The following SLC6A13 variants were observed in gnomAD, a reference collection of about 807,000 sequenced individuals.
SLC6A13 encodes solute carrier family 6 member 13.
A neutral mutation model predicts 72.9 loss-of-function variants in SLC6A13; 69 were observed. The observed-to-expected ratio is 0.95, with a 90% CI of 0.78 to 1.16. The LOEUF is 1.16. Among genes scored for constraint, SLC6A13 ranks in the 50% most tolerant of loss-of-function variants. SLC6A13 has a pLI of 0.00. For synonymous variants in SLC6A13, 303 were observed against 303.0 expected (o/e 1.00, Z 0.00); for missense variants, 735 against 760.5 (o/e 0.97, Z 0.39).
intron 7 of SLC6A13, among the ~76,000 whole-genome samples, chr12:228,531 T>C (rs1362314783): frequency 6.6e-6 from 1 of 152,166 alleles, no homozygotes. Flanking sequence ...CCATGTCTTT[T>C]GCTCAGCCTC....
chr12:255,946 G>A (rs1040892244), intron 2 of SLC6A13, among the ~76,000 whole-genome samples: 2 of 152,014 alleles, frequency 1.3e-5, no homozygotes, highest in East Asian at 1.9e-4. Flanking sequence ...TCTGCCTAGA[G>A]GAAAGCACTT....
chr12:223,748 CTTCACTTACTG>C (rs1941317314), intron 11 of SLC6A13: 1 of 528,550 alleles, frequency 1.9e-6, no homozygotes, highest in African/African-American at 1.9e-5. Flanking sequence ...CCACATACCT[CTTCACTTACTG>C]TGGAGCCAAA....
intron 3 of SLC6A13, among the ~76,000 whole-genome samples, chr12:243,083 C>T (rs530500): frequency 0.21 from 32,095 of 151,080 alleles, 3,562 homozygotes; most frequent in Middle Eastern, 0.29. Flanking sequence ...AATCTCGGCT[C>T]GCTGCAACCT....
chr12:232,373 T>C (rs1941744834), intron 7 of SLC6A13, among the ~76,000 whole-genome samples: 1 of 152,126 alleles, frequency 6.6e-6, no homozygotes, highest in Non-Finnish European at 1.5e-5. Flanking sequence ...CAAGCCAAAC[T>C]CTTCACCCGG....
At chr12:238,482 C>A in intron 4 of SLC6A13, 1 of 447,374 alleles carries the variant, frequency 2.2e-6, no homozygotes, top group Non-Finnish European at 4.2e-6. Context: ...CTGTGTTTTG[C>A]TTCGCTCGTC....
At position 253,102 on chromosome 12, in the gene SLC6A13, C is replaced by T. The variant is rs899437785; in HGVS notation, c.202+6749G>A. On this transcript the variant is annotated intron_variant, in intron 2 of 14. Coordinates refer to ENST00000343164, the MANE Select transcript of SLC6A13 (RefSeq NM_016615.5). ...CAGTAACCTGCACCCCCATATCATC[C>T]ATACTAGTCTCCTCAAAAATTCTAA... Among the ~76,000 whole-genome samples the T allele has an allele frequency of 2.6e-5, 4 of 152,216 alleles. No individual in the cohort carries two copies. In the East Asian group the frequency reaches 7.7e-4, roughly 29 times the overall value.
At chr12:244,816 T>C (rs1942291440) in intron 2 of SLC6A13, among the ~76,000 whole-genome samples, 1 of 152,230 alleles carries the variant, frequency 6.6e-6, no homozygotes, top group South Asian at 2.1e-4. Context: ...TGCCCTGGAC[T>C]TCCCAACCTC....
chr12:248,980 T>C (rs1942450460), intron 2 of SLC6A13, among the ~76,000 whole-genome samples: 1 of 152,232 alleles, frequency 6.6e-6, no homozygotes, highest in African/African-American at 2.4e-5. Context: ...GAAAGACATT[T>C]GGAAAATTGC....
In SLC6A13 at chr12:243,814, C is replaced by T. The variant is rs1303834195; in HGVS notation, c.203-1G>A. On this transcript the variant is annotated splice_acceptor_variant, in intron 2 of 14. Transcript: ENST00000343164. LOFTEE classifies it high-confidence loss of function. ...ACGAGGTAGGGGATGAAGAAGGCACCTGTGGTTAGAAAACAGGCTGTTCAT... is the reference window on the plus strand; with the variant it reads ...ACGAGGTAGGGGATGAAGAAGGCACTTGTGGTTAGAAAACAGGCTGTTCAT... 6.2e-7 allele frequency: 1 copy of T among 1,613,568 alleles called. No homozygotes were observed. The highest frequency in any genetic ancestry group is 2.2e-5 in the East Asian group (1 of 44,876).
chr12:259,725 C>G, intron 2 of SLC6A13, 126 bp downstream of exon 2: 2 of 1,593,784 alleles, frequency 1.3e-6, no homozygotes, highest in Middle Eastern at 1.7e-4. Flanking sequence ...TTAATGACCT[C>G]TAAGCGTCCT....
chr12:247,806 A>G (rs144224811), intron 2 of SLC6A13, among the ~76,000 whole-genome samples: 33 of 152,318 alleles, frequency 2.2e-4, no homozygotes, highest in Non-Finnish European at 4.6e-4. Flanking sequence ...ATGTATAAGA[A>G]GAGCACAAAG....
At chr12:257,193 A>T (rs1591872262) in intron 2 of SLC6A13, 1 of 149,704 alleles carries the variant, frequency 6.7e-6, no homozygotes. Flanking sequence ...TGCTGAGAAC[A>T]CCAAAAAAAA....
Position 242,758 on chromosome 12 carries a change from CG to C in SLC6A13, c.338-5del, listed in dbSNP as rs773942753. The stretch of plus-strand genomic sequence containing the variant: ...ATCTGGGAGGCATAGCCAATGCCTG[CG>C]GGGAAACTGCAGAATTGGGCTAGGA... On this transcript the variant is annotated splice_polypyrimidine_tract_variant and splice_region_variant and intron_variant, in intron 3 of 14. Coordinates refer to ENST00000343164, the MANE Select transcript of SLC6A13 (RefSeq NM_016615.5). 1 of 1,574,944 alleles carries C rather than the reference CG, an allele frequency of 6.3e-7. No individual in the cohort carries two copies. The highest frequency in any genetic ancestry group is 1.2e-5 in the South Asian group (1 of 86,070).
chr12:222,999 G>C, intron 12 of SLC6A13, 133 bp downstream of exon 12: 1 of 620,064 alleles, frequency 1.6e-6, no homozygotes, highest in South Asian at 2.0e-5. Flanking sequence ...GGATTTGCAA[G>C]ATTTTGGAGG....
At chr12:249,920 C>G (rs949435695) in intron 2 of SLC6A13, among the ~76,000 whole-genome samples, 2 of 151,930 alleles carry the variant, frequency 1.3e-5, no homozygotes, top group African/African-American at 4.8e-5. Context: ...TAATGTTTAT[C>G]CCAGAGATAC....
intron 2 of SLC6A13, among the ~76,000 whole-genome samples, chr12:253,987 C>T (rs1349418320): frequency 6.6e-6 from 1 of 152,180 alleles, no homozygotes; most frequent in African/African-American, 2.4e-5. Flanking sequence ...TTAAATTCCC[C>T]GCTGGCTATG....
chr12:239,421 T>G (rs1278687157), intron 4 of SLC6A13, among the ~76,000 whole-genome samples: 1 of 152,082 alleles, frequency 6.6e-6, no homozygotes, highest in Non-Finnish European at 1.5e-5. Flanking sequence ...CTTCCTAGAG[T>G]TCTTGTCCCC....
In SLC6A13 at chr12:259,467, C is replaced by T. The variant is rs908089883; in HGVS notation, c.202+384G>A. 5 of 1,259,040 alleles carry T rather than the reference C, an allele frequency of 4.0e-6. No homozygotes were observed. The African/African-American group carries it at 6.0e-5, about 15-fold the overall frequency. 78.0% of individuals were successfully genotyped at this position (1,259,040 alleles called of 1,614,324 possible). A position where few individuals can be genotyped will look rare whatever the true frequency, so the allele number is the denominator to read the frequency against. On this transcript the variant is annotated intron_variant, in intron 2 of 14. Transcript: ENST00000343164. ...ATTAAGTGCTTTACACACATTGTCT[C>T]TAATCCTTACAATGACCTTGAAAGG...
chr12:252,127 C>T (rs505778), intron 2 of SLC6A13, among the ~76,000 whole-genome samples: 128,665 of 152,252 alleles, frequency 0.85, 54,720 homozygotes, highest in Non-Finnish European at 0.91. Flanking sequence ...TAAATGAAAC[C>T]CTAAATAATT....
Sources: allele counts gnomAD v4.1 joint callset (sites outside exome capture counted in the v4.1 genomes callset), GRCh38; gene constraint gnomAD v4.1.1; transcripts MANE v1.5; gene names NCBI Gene and HGNC (gene_info 2026-07-23, HGNC 2026-07-21).